Variants in ATF7IP2 observed in about 807,000 individuals in gnomAD.
The protein encoded by ATF7IP2 is activating transcription factor 7-interacting protein 2.
ATF7IP2 carries 42 observed loss-of-function variants against 64.2 expected under a neutral mutation model. The observed-to-expected ratio is 0.65, with a 90% CI of 0.51 to 0.85. The LOEUF (loss-of-function observed/expected upper bound fraction) is 0.85. ATF7IP2 is among the 40% of genes least tolerant of loss of function. ATF7IP2 has a pLI of 0.00. For missense variants in ATF7IP2, 933 were observed against 784.2 expected (o/e 1.19, Z -2.27); for synonymous variants, 308 against 272.8 (o/e 1.13, Z -1.27).
intron 1 of ATF7IP2, among the ~76,000 whole-genome samples, chr16:10,397,712 G>A (rs1430128285): frequency 3.3e-5 from 5 of 151,556 alleles, no homozygotes; most frequent in African/African-American, 1.2e-4. Context: ...CCCTGTCTCT[G>A]CAGGAAATTA....
intron 1 of ATF7IP2, among the ~76,000 whole-genome samples, chr16:10,396,570 TG>T (rs1200384512): frequency 6.6e-6 from 1 of 152,150 alleles, no homozygotes; most frequent in African/African-American, 2.4e-5. Flanking sequence ...TGGCCCAGGC[TG>T]GAGTGCAGTG....
chr16:10,457,760 A>G lies in ATF7IP2; in HGVS notation c.1352+231A>G, dbSNP rs184171727. The G allele has an allele frequency of 5.6e-5, 19 of 342,096 alleles. No individual in the cohort carries two copies. In the Admixed American group the frequency reaches 8.7e-4, roughly 16 times the overall value. 21.2% of individuals were successfully genotyped at this position (342,096 alleles called of 1,614,324 possible). A position where few individuals can be genotyped will look rare whatever the true frequency, so the allele number is the denominator to read the frequency against. On this transcript the variant is annotated intron_variant, in intron 9 of 13. Coordinates refer to ENST00000562102, the MANE Select transcript of ATF7IP2 (RefSeq NM_001393719.1). Reference sequence around the variant, plus strand: ...CTCACTTTGTTGTCCAGGCTGGAGTATAGTGGTACAGTCACGGCTCACTGC... The same window carrying G: ...CTCACTTTGTTGTCCAGGCTGGAGTGTAGTGGTACAGTCACGGCTCACTGC...
intron 1 of ATF7IP2, among the ~76,000 whole-genome samples, chr16:10,410,292 T>G (rs1010806521): frequency 6.6e-6 from 1 of 152,166 alleles, no homozygotes; most frequent in Non-Finnish European, 1.5e-5. Context: ...TTTTGACTCC[T>G]TGGTTAGGTA....
At chr16:10,432,899 T>C (rs2048304646) in intron 5 of ATF7IP2, among the ~76,000 whole-genome samples, 1 of 152,026 alleles carries the variant, frequency 6.6e-6, no homozygotes, top group African/African-American at 2.4e-5. Context: ...AAGAGTACCT[T>C]TATATAAAAT....
Position 10,472,113 on chromosome 16 carries a change from CAAT to C in ATF7IP2, c.1357_1359del (p.Asn453del), listed in dbSNP as rs767570210. The C allele has an allele frequency of 1.1e-4, 166 of 1,523,396 alleles. No individual in the cohort carries two copies. Among genetic ancestry groups the C allele is most frequent in the Middle Eastern group, 3.4e-4 (2 of 5,832 alleles). The allele number at this position is 1,523,396 out of a possible 1,614,324, so 94.4% of individuals were successfully genotyped here. ...TAATTTCTTTTTATCATTTTAGTAA[CAAT>C]GATGATGTTATGTTGATTTCTGTGG... On this transcript the variant is annotated inframe_deletion, in exon 10 of 14. Coordinates refer to ENST00000562102, the MANE Select transcript of ATF7IP2 (RefSeq NM_001393719.1).
At position 10,448,712 on chromosome 16, in the gene ATF7IP2, A is replaced by T. The variant is rs575914438; in HGVS notation, c.1194+8250A>T. On this transcript the variant is annotated intron_variant, in intron 8 of 13. Transcript: ENST00000562102. ...TTTAGAAAATCTCAATCTATTTTAG[A>T]TGTAGATATTTCTAAATCTAAAAAT... The T allele has an allele frequency of 5.3e-5, 8 of 152,268 alleles. No homozygotes were observed. The East Asian group carries it at 1.5e-3, about 29-fold the overall frequency. The allele number at this position is 152,268 out of a possible 1,614,324, so 9.4% of individuals were successfully genotyped here. A position where few individuals can be genotyped will look rare whatever the true frequency, so the allele number is the denominator to read the frequency against.
chr16:10,439,419 TAG>T (rs1450463357), intron 7 of ATF7IP2, among the ~76,000 whole-genome samples: 1 of 151,896 alleles, frequency 6.6e-6, no homozygotes, highest in Non-Finnish European at 1.5e-5. Context: ...GTATTTTTAG[TAG>T]AGACGGGTTT....
At chr16:10,423,365 T>C (rs12598021) in intron 3 of ATF7IP2, among the ~76,000 whole-genome samples, 13,870 of 152,288 alleles carry the variant, frequency 0.091, 704 homozygotes, top group African/African-American at 0.13. Context: ...ACCTGGTCTA[T>C]AATGATTTAT....
intron 12 of ATF7IP2, among the ~76,000 whole-genome samples, chr16:10,479,035 A>G (rs2050115312): frequency 6.6e-6 from 1 of 151,080 alleles, no homozygotes; most frequent in African/African-American, 2.4e-5. Context: ...AAATAGGAAC[A>G]CTTTTACACT....
At chr16:10,451,966 C>T (rs868655780) in intron 8 of ATF7IP2, among the ~76,000 whole-genome samples, 42 of 152,018 alleles carry the variant, frequency 2.8e-4, no homozygotes, top group African/African-American at 9.4e-4. Flanking sequence ...GCAGGAGAAT[C>T]GCTTGAACCC....
intron 4 of ATF7IP2, among the ~76,000 whole-genome samples, chr16:10,430,357 A>G (rs1439054460): frequency 3.3e-5 from 5 of 152,226 alleles, no homozygotes; most frequent in African/African-American, 1.2e-4. Flanking sequence ...GTGGCTAGAT[A>G]AAACTATCAG....
At chr16:10,444,691 T>G (rs1298578893) in intron 8 of ATF7IP2, among the ~76,000 whole-genome samples, 3 of 152,202 alleles carry the variant, frequency 2.0e-5, no homozygotes, top group Non-Finnish European at 4.4e-5. Context: ...AATGATTCTT[T>G]AAAGTTTGGT....
intron 2 of ATF7IP2, among the ~76,000 whole-genome samples, chr16:10,415,358 T>C (rs1428617112): frequency 6.6e-6 from 1 of 152,160 alleles, no homozygotes; most frequent in African/African-American, 2.4e-5. Flanking sequence ...GACAAAGATG[T>C]CAAGAACAAA....
intron 8 of ATF7IP2, among the ~76,000 whole-genome samples, chr16:10,456,714 T>G (rs992431290): frequency 1.3e-5 from 2 of 152,144 alleles, no homozygotes; most frequent in Non-Finnish European, 1.5e-5. Flanking sequence ...AGATGTCAGA[T>G]GAGCACCCAA....
chr16:10,443,364 A>T (rs556896386), intron 8 of ATF7IP2, among the ~76,000 whole-genome samples: 6 of 152,232 alleles, frequency 3.9e-5, no homozygotes, highest in African/African-American at 1.2e-4. Flanking sequence ...GCAGAGAGAG[A>T]GCTTGGCATG....
intron 8 of ATF7IP2, among the ~76,000 whole-genome samples, chr16:10,455,984 T>TTTTTTA (rs1171191723): frequency 6.6e-6 from 1 of 152,000 alleles, no homozygotes; most frequent in Admixed American, 6.6e-5. Flanking sequence ...TTTTATTTCT[T>TTTTTTA]TTTTTATTTT....
At chr16:10,401,389 C>T (rs1382244101) in intron 1 of ATF7IP2, among the ~76,000 whole-genome samples, 4 of 152,018 alleles carry the variant, frequency 2.6e-5, no homozygotes, top group South Asian at 2.1e-4. Flanking sequence ...AGGCTGGTCT[C>T]GAACTCCTGA....
intron 6 of ATF7IP2, 31 bp downstream of exon 6, chr16:10,433,680 A>G (rs1406224284): frequency 1.9e-6 from 3 of 1,607,468 alleles, no homozygotes; most frequent in African/African-American, 1.3e-5. Context: ...TGGAACTTTT[A>G]CTTTTGATTA....
At chr16:10,414,790 G>T (rs376522728) in intron 2 of ATF7IP2, among the ~76,000 whole-genome samples, 178 bp downstream of exon 2, 9 of 151,994 alleles carry the variant, frequency 5.9e-5, no homozygotes, top group Non-Finnish European at 1.0e-4. Flanking sequence ...CTGTTGTTCA[G>T]ATTCTTTTGT....
Sources: allele counts gnomAD v4.1 joint callset (sites outside exome capture counted in the v4.1 genomes callset), GRCh38; gene constraint gnomAD v4.1.1; transcripts MANE v1.5; gene names NCBI Gene and HGNC (gene_info 2026-07-23, HGNC 2026-07-21).